The following SLCO5A1 variants were observed in gnomAD, a reference collection of about 807,000 sequenced individuals.
The protein encoded by SLCO5A1 is organic anion transporter polypeptide-related protein 4.
A neutral mutation model predicts 65.1 loss-of-function variants in SLCO5A1; 39 were observed. That is an observed-to-expected ratio of 0.60 (90% CI 0.46 to 0.78). SLCO5A1 has a LOEUF of 0.78. Ranked by LOEUF, SLCO5A1 falls within the 30% of genes least tolerant of loss-of-function variation. The pLI is 0.00. For missense variants in SLCO5A1, 1,029 were observed against 1,069.4 expected (o/e 0.96, Z 0.53); for synonymous variants, 438 against 415.7 (o/e 1.05, Z -0.65).
At position 69,667,077 on chromosome 8, in the gene SLCO5A1, C is replaced by A. The variant is rs1563648336; in HGVS notation, c.*5792G>T. 2.6e-5 allele frequency: 4 copies of A among 152,096 alleles called. No individual in the cohort carries two copies. Among genetic ancestry groups the A allele is most frequent in the African/African-American group, 9.7e-5 (4 of 41,420 alleles). 9.4% of individuals were successfully genotyped at this position (152,096 alleles called of 1,614,324 possible). On this transcript the variant is annotated 3_prime_UTR_variant, in exon 10 of 10. Coordinates refer to ENST00000260126, the MANE Select transcript of SLCO5A1 (RefSeq NM_030958.3). ...TCCAACACACTTTATTCATTTTTAA[C>A]TTTTTTCTTAATTTTCAATAATCAA... is the stretch of plus-strand genomic sequence containing the variant.
chr8:69,761,766 A>G lies in SLCO5A1; in HGVS notation c.1017T>C (p.Asn339=). The change falls in exon 3 of 10, where the codon AAT becomes AAC. Residue 339 remains asparagine, a synonymous_variant. Transcript: ENST00000260126. ...DPRNPVHLDQ[N]DPRFIGNWWS... ...ACCAGTTTCCAATGAAACGAGGGTC[A>G]TTCTGGTCAAGGTGAACAGGATTTC... 2 of 1,613,856 alleles carry G rather than the reference A, an allele frequency of 1.2e-6. No homozygotes were observed. The highest frequency in any genetic ancestry group is 2.2e-5 in the South Asian group (2 of 90,994).
chr8:69,734,576 C>A (rs1816475665), intron 5 of SLCO5A1, among the ~76,000 whole-genome samples: 1 of 152,156 alleles, frequency 6.6e-6, no homozygotes, highest in African/African-American at 2.4e-5. Context: ...TTTCCCCAGC[C>A]ACACACCAGG....
intron 5 of SLCO5A1, among the ~76,000 whole-genome samples, chr8:69,732,766 G>A (rs2130838168): frequency 6.6e-6 from 1 of 152,198 alleles, no homozygotes; most frequent in South Asian, 2.1e-4. Flanking sequence ...GCGCATGCCT[G>A]TAGTCCCAGC....
At chr8:69,725,361 T>C (rs537317463) in intron 5 of SLCO5A1, among the ~76,000 whole-genome samples, 2 of 152,236 alleles carry the variant, frequency 1.3e-5, no homozygotes, top group South Asian at 4.2e-4. Context: ...AATTTAAACA[T>C]CGAGCTACCT....
intron 6 of SLCO5A1, among the ~76,000 whole-genome samples, chr8:69,701,728 A>C (rs1203166600): frequency 2.6e-5 from 4 of 152,190 alleles, no homozygotes; most frequent in African/African-American, 7.2e-5. Context: ...ATTTCTCCCT[A>C]AAATGTATAA....
intron 3 of SLCO5A1, 95 bp downstream of exon 3, chr8:69,761,648 G>T: frequency 7.3e-7 from 1 of 1,373,682 alleles, no homozygotes; most frequent in Non-Finnish European, 9.9e-7. Context: ...GCTATTTTTT[G>T]TCTCCCCATT....
chr8:69,814,693 G>GA (rs1820333845), intron 2 of SLCO5A1, among the ~76,000 whole-genome samples: 1 of 152,090 alleles, frequency 6.6e-6, no homozygotes, highest in Non-Finnish European at 1.5e-5. Flanking sequence ...CCAAAGATTT[G>GA]AAATCACTTT....
intron 5 of SLCO5A1, among the ~76,000 whole-genome samples, chr8:69,714,574 C>T (rs1415794074): frequency 6.6e-6 from 1 of 152,206 alleles, no homozygotes; most frequent in Non-Finnish European, 1.5e-5. Flanking sequence ...CTTCATCAGC[C>T]TCAGTTTCCT....
At chr8:69,827,697 G>C (rs1820982285) in intron 2 of SLCO5A1, among the ~76,000 whole-genome samples, 1 of 152,084 alleles carries the variant, frequency 6.6e-6, no homozygotes, top group African/African-American at 2.4e-5. Context: ...TAATGCAATA[G>C]AACAGCTTTA....
chr8:69,832,041 G>A lies in SLCO5A1; in HGVS notation c.633C>T (p.Leu211=), dbSNP rs1033673346. The A allele has an allele frequency of 6.2e-7, 1 of 1,611,536 alleles. No individual in the cohort carries two copies. The highest frequency in any genetic ancestry group is 1.1e-5 in the South Asian group (1 of 90,804). Reference sequence around the variant, plus strand: ...GCGAGATGAAGTGAGGTAAGGCGAAGAGGGCTGCCCCGAAGGCGATGAGGA... The same window carrying A: ...GCGAGATGAAGTGAGGTAAGGCGAAAAGGGCTGCCCCGAAGGCGATGAGGA... ...GGLLIAFGAA[L]FALPHFISPP... Residue 211 remains leucine, a synonymous_variant, in exon 2 of 10, where the codon CTC becomes CTT. Coordinates refer to ENST00000260126, the MANE Select transcript of SLCO5A1 (RefSeq NM_030958.3). The surrounding 1 kb of genome is among the most constrained non-coding windows in gnomAD (Gnocchi z 4.5).
At chr8:69,788,853 T>C (rs1041585857) in intron 2 of SLCO5A1, among the ~76,000 whole-genome samples, 2 of 152,198 alleles carry the variant, frequency 1.3e-5, no homozygotes. Context: ...AATTATCTTC[T>C]CACAAATATG....
intron 6 of SLCO5A1, among the ~76,000 whole-genome samples, chr8:69,687,966 C>T (rs72660124): frequency 0.21 from 32,036 of 151,858 alleles, 4,221 homozygotes; most frequent in Non-Finnish European, 0.28. Context: ...GAAATAAAAA[C>T]TTATCATGTT....
chr8:69,832,549 C>A lies in SLCO5A1; in HGVS notation c.125G>T (p.Ser42Ile). The change falls in exon 2 of 10, where the codon AGC becomes ATC. Residue 42 changes from serine to isoleucine, a missense_variant. Physicochemically the swap from Ser to Ile is moderately radical, Grantham distance 142. Coordinates refer to ENST00000260126, the MANE Select transcript of SLCO5A1 (RefSeq NM_030958.3). This position sits in a 1 kb window ranked among gnomAD's most constrained non-coding sequence, Gnocchi z 4.5. Reference protein sequence around the residue: ...TLRSKSLPVLSSASCRPSLSP... With the variant: ...TLRSKSLPVLISASCRPSLSP... ...GAGGCTTGGCCGGCAGGAGGCGCTGCTGAGGACCGGTAAACTCTTAGACCT... is the reference window on the plus strand; with the variant it reads ...GAGGCTTGGCCGGCAGGAGGCGCTGATGAGGACCGGTAAACTCTTAGACCT... The A allele has an allele frequency of 6.2e-7, 1 of 1,610,386 alleles. No homozygotes were observed. Among genetic ancestry groups the A allele is most frequent in the Non-Finnish European group, 8.5e-7 (1 of 1,178,306 alleles).
rs1437392954 is a variant in SLCO5A1 at position 69,685,694 on chromosome 8, T to G, written c.1623-3351A>C. On this transcript the variant is annotated intron_variant, in intron 6 of 9. Coordinates refer to ENST00000260126, the MANE Select transcript of SLCO5A1 (RefSeq NM_030958.3). ...AGATGGAGGGATCTCTGAGATTATCTGGCAAATTTGCTAACTTTAAAGAAT... is the reference window on the plus strand; with the variant it reads ...AGATGGAGGGATCTCTGAGATTATCGGGCAAATTTGCTAACTTTAAAGAAT... Among the ~76,000 whole-genome samples, 3 of 152,162 alleles carry G rather than the reference T, an allele frequency of 2.0e-5. No individual in the cohort carries two copies. The South Asian group carries it at 6.2e-4, about 32-fold the overall frequency.
At chr8:69,829,606 A>T (rs1393368835) in intron 2 of SLCO5A1, among the ~76,000 whole-genome samples, 1 of 152,158 alleles carries the variant, frequency 6.6e-6, no homozygotes, top group Non-Finnish European at 1.5e-5. Context: ...TGAATCTGGG[A>T]GGCAGAAGTT....
chr8:69,758,644 A>G (rs1027429193), intron 3 of SLCO5A1, among the ~76,000 whole-genome samples: 1 of 152,222 alleles, frequency 6.6e-6, no homozygotes, highest in African/African-American at 2.4e-5. Context: ...TACAAAAATA[A>G]TATTAAAGTG....
intron 2 of SLCO5A1, among the ~76,000 whole-genome samples, chr8:69,801,949 G>A (rs1453635565): frequency 2.6e-5 from 4 of 152,098 alleles, no homozygotes; most frequent in East Asian, 1.9e-4. Flanking sequence ...ACCTCATGTC[G>A]CCTCAAGCTT....
At chr8:69,753,563 T>A (rs1001025213) in intron 4 of SLCO5A1, among the ~76,000 whole-genome samples, 4 of 152,246 alleles carry the variant, frequency 2.6e-5, no homozygotes, top group African/African-American at 9.6e-5. Flanking sequence ...TGTTGGTATT[T>A]GATATCAATC....
chr8:69,690,019 G>T (rs894959690), intron 6 of SLCO5A1, among the ~76,000 whole-genome samples: 1 of 150,334 alleles, frequency 6.7e-6, no homozygotes, highest in Admixed American at 6.6e-5. Flanking sequence ...TTTCAGCAAG[G>T]CCGGTGGACC....
Sources: gnomAD v4.1 joint callset for allele counts (sites outside exome capture counted in the v4.1 genomes callset) on GRCh38, gnomAD v4.1.1 for gene constraint, Gnocchi (gnomAD v3.1) non-coding constraint, MANE v1.5 for transcripts, NCBI Gene and HGNC (gene_info 2026-07-23, HGNC 2026-07-21) for gene names.